Variants in ERBB3 observed in about 807,000 individuals in gnomAD.
The protein encoded by ERBB3 is erb-b2 receptor tyrosine kinase 3, also known as receptor tyrosine-protein kinase erbB-3.
Under a neutral mutation model 156.7 loss-of-function variants are expected in ERBB3, and 96 were observed. The ratio of observed to expected loss-of-function variants is 0.61; its 90% CI spans 0.52 to 0.73. ERBB3 has a LOEUF of 0.73. Among genes scored for constraint, ERBB3 ranks in the 30% least tolerant of loss-of-function variants. ERBB3 has a pLI of 0.00. For synonymous variants in ERBB3, 567 were observed against 632.0 expected (o/e 0.90, Z 1.54); for missense variants, 1,406 against 1,709.4 (o/e 0.82, Z 3.13).
rs2136825089 is a variant in ERBB3 at position 56,099,761 on chromosome 12, G to A, written c.2937+16G>A. ...GGTCATAAAGGTGAGTAGGGAGTAG[G>A]AGGTGCTAAGGAAATTTAGAAAAAG... On this transcript the variant is annotated intron_variant, in intron 24 of 27. Coordinates refer to ENST00000267101, the MANE Select transcript of ERBB3 (RefSeq NM_001982.4). 6.2e-7 allele frequency: 1 copy of A among 1,613,202 alleles called. No individual in the cohort carries two copies. Among genetic ancestry groups the A allele is most frequent in the Non-Finnish European group, 8.5e-7 (1 of 1,179,100 alleles).
intron 20 of ERBB3, 101 bp downstream of exon 20, chr12:56,097,331 C>T (rs1868922442): frequency 1.7e-6 from 2 of 1,147,852 alleles, no homozygotes; most frequent in Non-Finnish European, 2.6e-6. Flanking sequence ...AGGTCCCCAA[C>T]CCCCGGGCTG....
At chr12:56,083,698 G>A in intron 1 of ERBB3, 53 bp from the exon 2 acceptor site, 1 of 1,607,640 alleles carries the variant, frequency 6.2e-7, no homozygotes, top group Non-Finnish European at 8.5e-7. Context: ...GATGGCAGAT[G>A]GGCTGAGAAT....
At chr12:56,096,715 A>C in intron 18 of ERBB3, 33 bp from the exon 19 acceptor site, 1 of 1,612,446 alleles carries the variant, frequency 6.2e-7, no homozygotes, top group Non-Finnish European at 8.5e-7. Flanking sequence ...AGGGAGAATG[A>C]CCTTATGCCA....
chr12:56,094,677 C>T (rs1868834244), intron 15 of ERBB3, 121 bp downstream of exon 15: 14 of 1,195,456 alleles, frequency 1.2e-5, no homozygotes, highest in East Asian at 5.1e-5. Flanking sequence ...GCTGGCCGGG[C>T]GCAGTGGCTC....
chr12:56,095,241 T>C lies in ERBB3; in HGVS notation c.1860-16T>C. ...CTGTCCAAGCTCTCATTTAAGGTGG[T>C]GACTTTCTTCCCTAGGTGTAAAGGA... is the stretch of plus-strand genomic sequence containing the variant. On this transcript the variant is annotated splice_polypyrimidine_tract_variant and intron_variant, in intron 15 of 27. Coordinates refer to ENST00000267101, the MANE Select transcript of ERBB3 (RefSeq NM_001982.4). The C allele has an allele frequency of 6.2e-7, 1 of 1,605,008 alleles. No homozygotes were observed. The highest frequency in any genetic ancestry group is 8.5e-7 in the Non-Finnish European group (1 of 1,171,650).
intron 13 of ERBB3, 73 bp downstream of exon 13, chr12:56,093,969 A>G: frequency 6.2e-7 from 1 of 1,601,270 alleles, no homozygotes; most frequent in Non-Finnish European, 8.6e-7. Context: ...GTGGCATACA[A>G]TAAAAGTCTT....
At chr12:56,099,119 A>G (rs373278933) in intron 23 of ERBB3, 57 of 584,906 alleles carry the variant, frequency 9.7e-5, no homozygotes, top group East Asian at 5.9e-4. Context: ...CCACACCTGG[A>G]TAACTGTTAC....
rs1376142104 is a variant in ERBB3, at chr12:56,083,809, G to A, written c.141G>A (p.Gln47=). ...SVTGDAENQY[Q]TLYKLYERCE... ...CCGGCGATGCTGAGAACCAATACCA[G>A]ACACTGTACAAGCTCTACGAGAGGT... Residue 47 remains glutamine (Q), a synonymous_variant, in exon 2 of 28, where the codon CAG becomes CAA. Coordinates refer to ENST00000267101, the MANE Select transcript of ERBB3 (RefSeq NM_001982.4). The A allele has an allele frequency of 6.2e-7, 1 of 1,614,120 alleles. No homozygotes were observed. The highest frequency in any genetic ancestry group is 1.1e-5 in the South Asian group (1 of 91,074).
At chr12:56,100,309 T>C in intron 26 of ERBB3, 64 bp downstream of exon 26, 1 of 1,316,472 alleles carries the variant, frequency 7.6e-7, no homozygotes, top group Admixed American at 1.7e-5. Flanking sequence ...ATGGAAGACA[T>C]TAGAAACCTC....
intron 10 of ERBB3, 71 bp from the exon 11 acceptor site, chr12:56,092,915 T>C (rs1235677745): frequency 1.0e-5 from 16 of 1,539,068 alleles, no homozygotes; most frequent in Admixed American, 3.3e-5. Flanking sequence ...TCCCAAGTTA[T>C]AGGGGAGGAG....
rs1868552124 is a variant in ERBB3 at position 56,088,218 on chromosome 12, A to AAGGGATC, written c.874+56_874+57insAGGGATC. 2.5e-6 allele frequency: 4 copies of AAGGGATC among 1,589,290 alleles called. No homozygotes were observed. In the South Asian group the frequency reaches 4.4e-5, roughly 18 times the overall value. On this transcript the variant is annotated intron_variant, in intron 7 of 27. Transcript: ENST00000267101. ...AACAATAGTAGATCCAAGATTTTAG[A>AAGGGATC]CAAAATTGTGGAAGGGAAAAAGAAT... is the stretch of plus-strand genomic sequence containing the variant.
intron 16 of ERBB3, 80 bp downstream of exon 16, chr12:56,095,390 G>C: frequency 8.1e-7 from 1 of 1,229,128 alleles, no homozygotes; most frequent in Non-Finnish European, 1.2e-6. Context: ...AGAAGAGGGA[G>C]GCTGTCTTCA....
At chr12:56,083,995 C>T in intron 2 of ERBB3, 93 bp downstream of exon 2, 2 of 1,290,168 alleles carry the variant, frequency 1.6e-6, no homozygotes, top group South Asian at 2.4e-5. Flanking sequence ...TGCTGGAGTT[C>T]ACCCTTCCTA....
At chr12:56,087,136 CAAA>C (rs33927060) in intron 4 of ERBB3, among the ~76,000 whole-genome samples, 5 of 125,432 alleles carry the variant, frequency 4.0e-5, no homozygotes, top group Admixed American at 8.0e-5. Flanking sequence ...GACCCTGTCT[CAAA>C]AAAAAAAAAA....
intron 22 of ERBB3, 51 bp downstream of exon 22, chr12:56,098,626 T>A (rs1307263986): frequency 6.3e-7 from 1 of 1,587,170 alleles, no homozygotes; most frequent in African/African-American, 1.3e-5. Context: ...AGTTTCAAAT[T>A]TACCTTTTGA....
intron 9 of ERBB3, among the ~76,000 whole-genome samples, chr12:56,089,414 C>G (rs1868593655): frequency 6.6e-6 from 1 of 152,146 alleles, no homozygotes; most frequent in Non-Finnish European, 1.5e-5. Flanking sequence ...CAACCTCCTT[C>G]TTAAAGTTTT....
At position 56,097,185 on chromosome 12, in the gene ERBB3, AC is replaced by A; in HGVS notation, c.2416del (p.Leu806TrpfsTer94). ...LDHVRQHRGA[L>X]GPQLLLNWGV... is the part of the protein sequence containing the mutation. ...ATCATGTGAGACAACACCGGGGGGC[AC>A]TGGGGCCACAGCTGCTGCTCAACTG... On this transcript the variant is annotated frameshift_variant, in exon 20 of 28. Coordinates refer to ENST00000267101, the MANE Select transcript of ERBB3 (RefSeq NM_001982.4). LOFTEE classifies it high-confidence loss of function. 1 of 1,614,154 alleles carries A rather than the reference AC, an allele frequency of 6.2e-7. No individual in the cohort carries two copies.
In ERBB3 at chr12:56,093,042, A is replaced by C. The variant is rs74763375; in HGVS notation, c.1240A>C (p.Asn414His). ...PHMHNFSVFS[N>H]LTTIGGRSLY... ...CATGCACAACTTCAGTGTTTTTTCC[A>C]ATTTGACAACCATTGGAGGCAGAAG... The change falls in exon 11 of 28, where the codon AAT (asparagine) becomes CAT (histidine). Residue 414 changes from asparagine (N) to histidine (H), a missense_variant. By Grantham distance (68) the Asn-to-His change is moderately conservative. Transcript: ENST00000267101. 23 of 1,614,158 alleles carry C rather than the reference A, an allele frequency of 1.4e-5. No individual in the cohort carries two copies. Among genetic ancestry groups the C allele is most frequent in the Non-Finnish European group, 1.9e-5 (23 of 1,180,000 alleles).
intron 1 of ERBB3, among the ~76,000 whole-genome samples, chr12:56,081,641 C>T (rs1029918051): frequency 6.6e-6 from 1 of 152,126 alleles, no homozygotes. Context: ...CCCAGGAGTA[C>T]CAGAGTCTGG....
Sources: allele counts gnomAD v4.1 joint callset (sites outside exome capture counted in the v4.1 genomes callset), GRCh38; gene constraint gnomAD v4.1.1; transcripts MANE v1.5; gene names NCBI Gene and HGNC (gene_info 2026-07-23, HGNC 2026-07-21).